The following FHL2 variants were observed in gnomAD, a reference collection of about 807,000 sequenced individuals.
FHL2 encodes four and a half LIM domains 2, also known as four and a half LIM domains protein 2.
In FHL2, 20 loss-of-function variants were observed where a neutral mutation model predicts 32.7. The observed-to-expected ratio is 0.61, with a 90% CI of 0.43 to 0.89. FHL2 has a LOEUF of 0.89. Among genes scored for constraint, FHL2 ranks in the 40% least tolerant of loss-of-function variants. The probability of loss-of-function intolerance (pLI) is 0.00; values close to 1 mark genes in which losing one functional copy is unlikely to be tolerated. For missense variants in FHL2, 311 were observed against 358.6 expected (o/e 0.87, Z 1.07); for synonymous variants, 123 against 128.1 (o/e 0.96, Z 0.27).
upstream of FHL2, chr2:105,399,374 C>T (rs1318938893): frequency 6.5e-7 from 1 of 1,536,012 alleles, no homozygotes; most frequent in Admixed American, 2.0e-5. Context: ...GGGATCTCTG[C>T]CTGGTCCCAG....
chr2:105,433,413 T>A (rs1219328229), intron 1 of FHL2, among the ~76,000 whole-genome samples: 6 of 152,128 alleles, frequency 3.9e-5, no homozygotes, highest in African/African-American at 1.4e-4. Flanking sequence ...AACTTCTGAC[T>A]TCAGGTGATC....
chr2:105,424,670 A>G (rs1446801105), intron 1 of FHL2, among the ~76,000 whole-genome samples: 46 of 152,244 alleles, frequency 3.0e-4, no homozygotes, highest in Non-Finnish European at 5.9e-5. Flanking sequence ...AAAGTGGCAC[A>G]TATACACCAT....
chr2:105,391,799 C>T (rs866833367), intron 2 of FHL2, among the ~76,000 whole-genome samples: 10 of 152,212 alleles, frequency 6.6e-5, no homozygotes, highest in African/African-American at 2.2e-4. Flanking sequence ...TCTCTGTGAA[C>T]TCCACATCCC....
Position 105,394,657 on chromosome 2 carries a change from T to C in FHL2, c.-25+1990A>G, listed in dbSNP as rs573019445. 2.0e-5 allele frequency among the ~76,000 whole-genome samples: 3 copies of C among 152,258 alleles called. No homozygotes were observed. In the East Asian group the frequency reaches 5.8e-4, roughly 29 times the overall value. ...AAGAAAAAAAGTATCTAGCATCCACTTGAAATCTATTTTTAAATTGTTGGA... is the reference window on the plus strand; with the variant it reads ...AAGAAAAAAAGTATCTAGCATCCACCTGAAATCTATTTTTAAATTGTTGGA... On this transcript the variant is annotated intron_variant, in intron 2 of 6. Transcript: ENST00000530340.
upstream of FHL2, among the ~76,000 whole-genome samples, chr2:105,400,474 A>G (rs1358129250): frequency 6.6e-6 from 1 of 151,976 alleles, no homozygotes; most frequent in Non-Finnish European, 1.5e-5. Flanking sequence ...ACAGGCTAGT[A>G]TTTTGAAATT....
intron 2 of FHL2, among the ~76,000 whole-genome samples, chr2:105,390,974 T>G (rs1352872889): frequency 2.0e-5 from 3 of 151,174 alleles, no homozygotes. Flanking sequence ...TTTGTGTGTG[T>G]GTGTATGTGT....
At chr2:105,438,482 G>T (rs1167300722) in exon 1 of FHL2, 3 of 985,436 alleles carry the variant, frequency 3.0e-6, no homozygotes, top group Non-Finnish European at 3.6e-6. Flanking sequence ...TGGTTGGATG[G>T]CCCCAACCTT....
At chr2:105,403,294 T>TC (rs1405501383), upstream of FHL2, among the ~76,000 whole-genome samples, 1 of 152,244 alleles carries the variant, frequency 6.6e-6, no homozygotes, top group Admixed American at 6.5e-5. Context: ...AGAAAACCTC[T>TC]CTGCTATGGA....
rs1374912267 is a variant in FHL2 at position 105,386,381 on chromosome 2, G to A, written c.136C>T (p.Pro46Ser). 4 of 1,614,008 alleles carry A rather than the reference G, an allele frequency of 2.5e-6. No individual in the cohort carries two copies. Among genetic ancestry groups the A allele is most frequent in the South Asian group, 2.2e-5 (2 of 91,070 alleles). Residue 46 changes from proline (P) to serine (S), a missense_variant, in exon 3 of 7, where the codon CCC becomes TCC. Pro to Ser is a moderately conservative substitution (Grantham distance 74, BLOSUM62 -1). Transcript: ENST00000530340. The stretch of plus-strand genomic sequence containing the variant: ...GGTACCTTGCAGTCACAGCCGATGG[G>A]CTTCCCACACTCCTCGCAGGTGTTG... ...FANTCEECGKPIGCDCKDLSY... is the reference protein window; with the variant it reads ...FANTCEECGKSIGCDCKDLSY...
intron 4 of FHL2, among the ~76,000 whole-genome samples, chr2:105,370,374 CA>C (rs57298525): frequency 1.1e-3 from 160 of 139,664 alleles, no homozygotes; most frequent in Middle Eastern, 3.8e-3. Flanking sequence ...GATCCTGGCT[CA>C]AAAAAAAAAA....
chr2:105,420,397 T>C (rs539394004), intron 1 of FHL2, among the ~76,000 whole-genome samples: 1 of 152,286 alleles, frequency 6.6e-6, no homozygotes, highest in East Asian at 1.9e-4. Context: ...GGATTAGGGA[T>C]ACCCTAATGA....
intron 2 of FHL2, among the ~76,000 whole-genome samples, chr2:105,395,166 C>T (rs1321150536): frequency 6.6e-6 from 1 of 152,204 alleles, no homozygotes; most frequent in African/African-American, 2.4e-5. Flanking sequence ...TAATTTAAAT[C>T]ACCTTTAAGA....
intron 1 of FHL2, among the ~76,000 whole-genome samples, chr2:105,408,770 C>T (rs1683709395): frequency 2.0e-5 from 3 of 152,160 alleles, no homozygotes. Context: ...TATTTATTAG[C>T]ATATTTTGAC....
In FHL2 at chr2:105,386,489, A is replaced by G. The variant is rs770008116; in HGVS notation, c.28T>C (p.Cys10Arg). 6.2e-7 allele frequency: 1 copy of G among 1,614,236 alleles called. No homozygotes were observed. MTERFDCHH[C>R]NESLFGKKYI... ...TTCTTGCCAAAGAGAGATTCGTTGC[A>G]ATGGTGGCAGTCAAAGCGCTCAGTC... Residue 10 changes from cysteine to arginine, a missense_variant, in exon 3 of 7, where the codon TGC becomes CGC. Cys to Arg is a radical substitution (Grantham distance 180). Coordinates refer to ENST00000530340, the MANE Select transcript of FHL2 (RefSeq NM_001318895.3).
At chr2:105,395,078 T>C (rs979140809) in intron 2 of FHL2, among the ~76,000 whole-genome samples, 1 of 152,246 alleles carries the variant, frequency 6.6e-6, no homozygotes, top group Admixed American at 6.5e-5. Flanking sequence ...CTGTTTTCCA[T>C]GTGCTACGTG....
chr2:105,388,425 G>C (rs1019552170), intron 2 of FHL2, among the ~76,000 whole-genome samples: 2 of 152,122 alleles, frequency 1.3e-5, no homozygotes, highest in African/African-American at 4.8e-5. Context: ...GGAATAGCTG[G>C]TGTGGAGAAA....
In FHL2 at chr2:105,361,114, A is replaced by G; in HGVS notation, c.*169T>C. On this transcript the variant is annotated 3_prime_UTR_variant, in exon 7 of 7. Transcript: ENST00000530340. Reference sequence around the variant, plus strand: ...GAGTTTTCTCTTTCCCTGGGACTGAACTATCACAAAGCACTAAAGGGTTTA... The same window carrying G: ...GAGTTTTCTCTTTCCCTGGGACTGAGCTATCACAAAGCACTAAAGGGTTTA... 1 of 609,252 alleles carries G rather than the reference A, an allele frequency of 1.6e-6. No individual in the cohort carries two copies. The highest frequency in any genetic ancestry group is 2.7e-5 in the South Asian group (1 of 37,420). The allele number at this position is 609,252 out of a possible 1,614,324, so 37.7% of individuals were successfully genotyped here.
chr2:105,401,049 G>A (rs1683449221), upstream of FHL2, among the ~76,000 whole-genome samples: 1 of 143,858 alleles, frequency 7.0e-6, no homozygotes, highest in Admixed American at 7.1e-5. Context: ...TGCCATGTAT[G>A]GATCTTATTG....
intron 1 of FHL2, among the ~76,000 whole-genome samples, chr2:105,426,046 C>A (rs1319547324): frequency 2.6e-5 from 4 of 152,086 alleles, no homozygotes; most frequent in Non-Finnish European, 5.9e-5. Context: ...GAGGGGCAGG[C>A]CACTCCTTCA....
Sources: gnomAD v4.1 joint callset for allele counts (sites outside exome capture counted in the v4.1 genomes callset) on GRCh38, gnomAD v4.1.1 for gene constraint, MANE v1.5 for transcripts, NCBI Gene and HGNC (gene_info 2026-07-23, HGNC 2026-07-21) for gene names.